The following SLIT3 variants were observed in gnomAD, a reference collection of about 807,000 sequenced individuals.
SLIT3 encodes slit guidance ligand 3, also known as slit homolog 3 protein.
A neutral mutation model predicts 184.0 loss-of-function variants in SLIT3; 68 were observed. The observed-to-expected ratio is 0.37, with a 90% CI of 0.30 to 0.45. The LOEUF (loss-of-function observed/expected upper bound fraction) is 0.45. SLIT3 is among the 20% of genes least tolerant of loss of function. The pLI, the probability that SLIT3 is intolerant of heterozygous loss-of-function variation, is 1.00. For synonymous variants in SLIT3, 831 were observed against 828.6 expected, an observed-to-expected ratio of 1.00 and a Z score of -0.05; for missense variants, 1,707 against 2,026.0, an observed-to-expected ratio of 0.84 and a Z score of 3.02.
chr5:168,927,240 C>T (rs1248885182), intron 4 of SLIT3, among the ~76,000 whole-genome samples: 4 of 152,138 alleles, frequency 2.6e-5, no homozygotes, highest in Non-Finnish European at 4.4e-5. Flanking sequence ...ACCTTGAGAA[C>T]GTTATGCCAA....
At chr5:168,723,813 TTC>T (rs1763023638) in intron 21 of SLIT3, among the ~76,000 whole-genome samples, 1 of 152,194 alleles carries the variant, frequency 6.6e-6, no homozygotes, top group African/African-American at 2.4e-5. Flanking sequence ...TGCCCAGGTA[TTC>T]TGATTTAATT....
rs540918715 is a variant in SLIT3 at position 168,786,664 on chromosome 5, T to G, written c.1080-686A>C. 1.6e-3 allele frequency among the ~76,000 whole-genome samples: 243 copies of G among 152,270 alleles called. 1 individual carries two copies. Among genetic ancestry groups the G allele is most frequent in the African/African-American group, 5.5e-3 (228 of 41,552 alleles). On this transcript the variant is annotated intron_variant, in intron 11 of 35. Transcript: ENST00000519560. ...GCCTCCAGTGACCCTCATACTGGTG[T>G]CTCTGATTCATGGGCCTCATCTTTG...
intron 1 of SLIT3, among the ~76,000 whole-genome samples, chr5:169,268,927 T>C (rs929907206): frequency 6.6e-6 from 1 of 152,210 alleles, no homozygotes; most frequent in African/African-American, 2.4e-5. Flanking sequence ...GGGACACTCT[T>C]ATTATCACCA....
intron 5 of SLIT3, among the ~76,000 whole-genome samples, chr5:168,859,146 G>C (rs1449771386): frequency 6.6e-6 from 1 of 152,096 alleles, no homozygotes; most frequent in African/African-American, 2.4e-5. Flanking sequence ...CTTTTCCTTG[G>C]GTCAGCACTG....
intron 3 of SLIT3, among the ~76,000 whole-genome samples, chr5:169,202,848 G>A (rs1201361843): frequency 7.2e-6 from 1 of 138,534 alleles, no homozygotes; most frequent in Non-Finnish European, 1.5e-5. Flanking sequence ...GACCTTTCCT[G>A]TACCTCACAT....
chr5:168,893,171 G>A (rs1200415083), intron 4 of SLIT3, among the ~76,000 whole-genome samples: 3 of 152,338 alleles, frequency 2.0e-5, no homozygotes, highest in South Asian at 2.1e-4. Context: ...GACCCAATGA[G>A]AAGTTCTGGT....
intron 2 of SLIT3, among the ~76,000 whole-genome samples, chr5:169,248,878 T>C (rs982669365): frequency 6.6e-6 from 1 of 152,210 alleles, no homozygotes; most frequent in Non-Finnish European, 1.5e-5. Flanking sequence ...TCTCCTTAAA[T>C]GCTCTTCATT....
intron 4 of SLIT3, among the ~76,000 whole-genome samples, chr5:169,076,620 G>A (rs1184297608): frequency 6.6e-6 from 1 of 152,232 alleles, no homozygotes; most frequent in Non-Finnish European, 1.5e-5. Flanking sequence ...AGGAGAGAGA[G>A]GGTGGAAGAA....
chr5:169,051,647 A>C (rs958285302), intron 4 of SLIT3, among the ~76,000 whole-genome samples: 14 of 152,240 alleles, frequency 9.2e-5, no homozygotes, highest in African/African-American at 2.9e-4. Flanking sequence ...CACTGATCAC[A>C]GAGCAGCCAG....
rs574672689 is a variant in SLIT3, at chr5:168,766,842, CTT to C, written c.1460-4155_1460-4154del. ...GAGAGGAACAGCCATTTGAATAATG[CTT>C]TCTCTCTTACTCAAGTTCTTTCTAC... On this transcript the variant is annotated intron_variant, in intron 14 of 35. Transcript: ENST00000519560. Among the ~76,000 whole-genome samples the C allele has an allele frequency of 2.7e-3, 408 of 152,342 alleles. 3 individuals carry two copies. The highest frequency in any genetic ancestry group is 9.2e-3 in the African/African-American group (383 of 41,576).
At chr5:169,268,697 A>T (rs1172026470) in intron 1 of SLIT3, among the ~76,000 whole-genome samples, 1 of 152,228 alleles carries the variant, frequency 6.6e-6, no homozygotes, top group Non-Finnish European at 1.5e-5. Flanking sequence ...AACCACCCTT[A>T]TCTGCAAAAT....
chr5:168,851,796 T>C (rs997141342), intron 5 of SLIT3, among the ~76,000 whole-genome samples: 5 of 152,136 alleles, frequency 3.3e-5, no homozygotes, highest in Non-Finnish European at 4.4e-5. Context: ...CAGTTGAAAA[T>C]AGATTTATTC....
At chr5:169,110,823 C>G (rs1479321781) in intron 4 of SLIT3, among the ~76,000 whole-genome samples, 2 of 152,220 alleles carry the variant, frequency 1.3e-5, no homozygotes, top group Admixed American at 1.3e-4. Flanking sequence ...CCTTATTCTA[C>G]AGCCAACTGT....
chr5:169,272,127 T>G (rs1237558215), intron 1 of SLIT3, among the ~76,000 whole-genome samples: 2 of 152,214 alleles, frequency 1.3e-5, no homozygotes, highest in East Asian at 3.9e-4. Flanking sequence ...GTCCCTTCTC[T>G]CCATCCCTCA....
chr5:168,939,872 TTG>T (rs1554163024), intron 4 of SLIT3, among the ~76,000 whole-genome samples: 1 of 152,214 alleles, frequency 6.6e-6, no homozygotes, highest in Non-Finnish European at 1.5e-5. Context: ...GTTAAAGATT[TTG>T]TATATATTAC....
chr5:168,908,087 T>C (rs1262077557), intron 4 of SLIT3, among the ~76,000 whole-genome samples: 2 of 150,140 alleles, frequency 1.3e-5, no homozygotes, highest in African/African-American at 4.9e-5. Flanking sequence ...CAAGGAGACT[T>C]TCATTTTATA....
chr5:168,833,342 G>T (rs1757938108), intron 6 of SLIT3, among the ~76,000 whole-genome samples: 1 of 152,214 alleles, frequency 6.6e-6, no homozygotes, highest in Admixed American at 6.5e-5. Flanking sequence ...TATTTGCAAG[G>T]GAGGGAGTCT....
At chr5:168,730,058 GAGC>G (rs1763248208) in intron 20 of SLIT3, among the ~76,000 whole-genome samples, 1 of 151,750 alleles carries the variant, frequency 6.6e-6, no homozygotes, top group Admixed American at 6.6e-5. Context: ...AACCAAAAGT[GAGC>G]AGGAGTAGCT....
At chr5:168,847,725 G>A (rs1348449174) in intron 5 of SLIT3, among the ~76,000 whole-genome samples, 1 of 152,190 alleles carries the variant, frequency 6.6e-6, no homozygotes, top group Non-Finnish European at 1.5e-5. Context: ...TTTCTTTGAG[G>A]ATGGTGGAGT....
Sources: allele counts gnomAD v4.1 joint callset (sites outside exome capture counted in the v4.1 genomes callset), GRCh38; gene constraint gnomAD v4.1.1; transcripts MANE v1.5; gene names NCBI Gene and HGNC (gene_info 2026-07-23, HGNC 2026-07-21).